Variants in ITSN1 observed in about 807,000 individuals in gnomAD.
The protein encoded by ITSN1 is intersectin-1.
In ITSN1, 58 loss-of-function variants were observed where a neutral mutation model predicts 239.8. The ratio of observed to expected loss-of-function variants is 0.24; its 90% CI spans 0.20 to 0.30. ITSN1 has a LOEUF of 0.30. Ranked by LOEUF, ITSN1 falls within the 10% of genes least tolerant of loss-of-function variation. The pLI, the probability that ITSN1 is intolerant of heterozygous loss-of-function variation, is 1.00. For synonymous variants in ITSN1, 780 were observed against 770.8 expected, an observed-to-expected ratio of 1.01 and a Z score of -0.20; for missense variants, 1,558 against 2,103.3, an observed-to-expected ratio of 0.74 and a Z score of 5.07.
chr21:33,699,814 C>T (rs2091933316), intron 1 of ITSN1, among the ~76,000 whole-genome samples: 1 of 152,162 alleles, frequency 6.6e-6, no homozygotes, highest in Non-Finnish European at 1.5e-5. Flanking sequence ...GCTGCAGTGC[C>T]AGTGGTGCCA....
chr21:33,799,223 CCTTAGG>C (rs2071792537), intron 18 of ITSN1, among the ~76,000 whole-genome samples: 1 of 152,166 alleles, frequency 6.6e-6, no homozygotes, highest in African/African-American at 2.4e-5. Context: ...TAGGTTTCAT[CCTTAGG>C]CTAATTATTT....
At position 33,656,131 on chromosome 21, in the gene ITSN1, C is replaced by T. The variant is rs144118465; in HGVS notation, c.-33+13418C>T. Among the ~76,000 whole-genome samples, 85 of 152,234 alleles carry T rather than the reference C, an allele frequency of 5.6e-4. 1 individual carries two copies. In the Middle Eastern group the frequency reaches 0.017, roughly 30 times the overall value. ...AGGATTCTGATTGGCCTGGCATGAT[C>T]GTGTGTCTGAACCCATCATATGACC... On this transcript the variant is annotated intron_variant, in intron 1 of 39. Transcript: ENST00000381318.
chr21:33,763,464 T>A (rs1182418756), intron 9 of ITSN1, among the ~76,000 whole-genome samples: 3 of 152,120 alleles, frequency 2.0e-5, no homozygotes, highest in African/African-American at 7.2e-5. Context: ...TACTGTAGGA[T>A]GTTCAGTAGC....
chr21:33,672,320 C>T (rs1401652605), intron 1 of ITSN1, among the ~76,000 whole-genome samples: 1 of 151,970 alleles, frequency 6.6e-6, no homozygotes, highest in African/African-American at 2.4e-5. Context: ...TTCTATCATA[C>T]AATTAGTACA....
At chr21:33,771,379 T>C (rs910246882) in intron 11 of ITSN1, among the ~76,000 whole-genome samples, 5 of 152,018 alleles carry the variant, frequency 3.3e-5, no homozygotes, top group African/African-American at 1.2e-4. Flanking sequence ...GAGGATTGCG[T>C]GAGGCCAACA....
At chr21:33,887,041 G>C (rs1985908093) in intron 39 of ITSN1, among the ~76,000 whole-genome samples, 1 of 152,052 alleles carries the variant, frequency 6.6e-6, no homozygotes, top group South Asian at 2.1e-4. Context: ...ATCACCGGTG[G>C]GCATGGTGCT....
chr21:33,884,611 G>C (rs940483313), intron 36 of ITSN1, among the ~76,000 whole-genome samples: 5 of 152,234 alleles, frequency 3.3e-5, no homozygotes, highest in African/African-American at 1.2e-4. Context: ...TTCCCCCAAG[G>C]CGTTTTGGTC....
intron 29 of ITSN1, 28 bp downstream of exon 29, chr21:33,836,660 C>T (rs369253484): frequency 7.0e-6 from 11 of 1,569,830 alleles, no homozygotes; most frequent in South Asian, 2.3e-5. Flanking sequence ...TCTGTCGCCT[C>T]GCCTCTCTGG....
At chr21:33,680,398 C>T (rs757814066) in intron 1 of ITSN1, among the ~76,000 whole-genome samples, 23 of 150,346 alleles carry the variant, frequency 1.5e-4, no homozygotes, top group Non-Finnish European at 2.8e-4. Flanking sequence ...ATGGCGCAAT[C>T]TCGGCTCACT....
chr21:33,864,105 A>G (rs1217333485), intron 31 of ITSN1, among the ~76,000 whole-genome samples: 1 of 152,258 alleles, frequency 6.6e-6, no homozygotes, highest in Non-Finnish European at 1.5e-5. Flanking sequence ...CCTAATATAA[A>G]TATTGCAGAG....
At chr21:33,847,691 T>C (rs1301215838) in intron 29 of ITSN1, among the ~76,000 whole-genome samples, 3 of 152,042 alleles carry the variant, frequency 2.0e-5, no homozygotes, top group Non-Finnish European at 4.4e-5. Flanking sequence ...TGGCGTTCTG[T>C]GGTTACAGCC....
intron 7 of ITSN1, chr21:33,754,195 A>C (rs2067761334): frequency 6.6e-6 from 1 of 152,184 alleles, no homozygotes; most frequent in Admixed American, 6.5e-5. Flanking sequence ...GGGTTGGTGC[A>C]GAAGTACCCA....
intron 1 of ITSN1, among the ~76,000 whole-genome samples, chr21:33,700,469 C>G (rs1225664815): frequency 1.3e-5 from 2 of 152,142 alleles, no homozygotes; most frequent in African/African-American, 4.8e-5. Context: ...TCTTGCCTTA[C>G]TTTGGAAGGG....
chr21:33,706,091 C>T (rs1460260128), intron 1 of ITSN1, among the ~76,000 whole-genome samples: 1 of 152,190 alleles, frequency 6.6e-6, no homozygotes, highest in Non-Finnish European at 1.5e-5. Flanking sequence ...GTAATCTCAG[C>T]TCACTGCAAC....
chr21:33,861,245 A>G (rs1336038637), intron 31 of ITSN1, among the ~76,000 whole-genome samples: 1 of 152,192 alleles, frequency 6.6e-6, no homozygotes, highest in Non-Finnish European at 1.5e-5. Flanking sequence ...CTTCATGCCA[A>G]GGAATAACTG....
rs539390725 is a variant in ITSN1 at position 33,793,511 on chromosome 21, GT to G, written c.1825-827del. 2.7e-4 allele frequency among the ~76,000 whole-genome samples: 41 copies of G among 152,328 alleles called. 1 individual carries two copies. The South Asian group carries it at 8.3e-3, about 31-fold the overall frequency. ...CATTTGATTTCTATGGAATCAGGGA[GT>G]TTCTTCCTCAGCAGACGTTTCCTTA... is the stretch of plus-strand genomic sequence containing the variant. On this transcript the variant is annotated intron_variant, in intron 16 of 39. Coordinates refer to ENST00000381318, the MANE Select transcript of ITSN1 (RefSeq NM_003024.3).
At chr21:33,658,689 C>T (rs2089297888) in intron 1 of ITSN1, among the ~76,000 whole-genome samples, 2 of 152,170 alleles carry the variant, frequency 1.3e-5, no homozygotes, top group African/African-American at 2.4e-5. Context: ...TGCTCACCTG[C>T]CACCTTTCTT....
chr21:33,662,134 A>G (rs1016933820), intron 1 of ITSN1, among the ~76,000 whole-genome samples: 1 of 152,020 alleles, frequency 6.6e-6, no homozygotes, highest in Non-Finnish European at 1.5e-5. Flanking sequence ...GGATCTCACC[A>G]TAGAATGTTC....
chr21:33,725,119 AAT>A (rs1491581465), intron 4 of ITSN1, among the ~76,000 whole-genome samples: 6 of 143,184 alleles, frequency 4.2e-5, no homozygotes, highest in African/African-American at 1.6e-4. Context: ...AAAAAAAAAA[AAT>A]TTTTTTTTTT....
Sources: gnomAD v4.1 joint callset for allele counts (sites outside exome capture counted in the v4.1 genomes callset) on GRCh38, gnomAD v4.1.1 for gene constraint, MANE v1.5 for transcripts, NCBI Gene and HGNC (gene_info 2026-07-23, HGNC 2026-07-21) for gene names.